The following CDK14 variants were observed in gnomAD, a reference collection of about 807,000 sequenced individuals.
CDK14 encodes cyclin-dependent kinase 14.
Under a neutral mutation model 60.7 loss-of-function variants are expected in CDK14, and 34 were observed. The ratio of observed to expected loss-of-function variants is 0.56; its 90% CI spans 0.43 to 0.75. The LOEUF (loss-of-function observed/expected upper bound fraction) is 0.75. Among genes scored for constraint, CDK14 ranks in the 30% least tolerant of loss-of-function variants. The pLI, the probability that CDK14 is intolerant of heterozygous loss-of-function variation, is 0.00. For missense variants in CDK14, 482 were observed against 564.1 expected (o/e 0.85, Z 1.47); for synonymous variants, 197 against 203.7 (o/e 0.97, Z 0.28).
At chr7:90,709,542 A>G (rs1801984661) in intron 2 of CDK14, 1 of 1,613,188 alleles carries the variant, frequency 6.2e-7, no homozygotes, top group Non-Finnish European at 8.5e-7. Flanking sequence ...TTGACAGCAT[A>G]TGCACGGTTA....
intron 2 of CDK14, among the ~76,000 whole-genome samples, chr7:90,688,876 C>T (rs550568456): frequency 6.6e-6 from 1 of 152,256 alleles, no homozygotes; most frequent in East Asian, 1.9e-4. Flanking sequence ...AATGAATTTT[C>T]AGAGTCCCTC....
At chr7:90,679,541 TC>T (rs879580036) in intron 2 of CDK14, among the ~76,000 whole-genome samples, 55 of 152,280 alleles carry the variant, frequency 3.6e-4, no homozygotes, top group Admixed American at 2.1e-3. Flanking sequence ...ATATATTCCT[TC>T]CAAGAACCTC....
At position 90,984,245 on chromosome 7, in the gene CDK14, A is replaced by T; in HGVS notation, c.1041+4A>T. On this transcript the variant is annotated splice_donor_region_variant and intron_variant, in intron 10 of 14. Transcript: ENST00000380050. ...TCAACTTGAACGAATATTTCTGGTAAGTCCTTTACAGAGTATTTCTAAGAA... is the reference window on the plus strand; with the variant it reads ...TCAACTTGAACGAATATTTCTGGTATGTCCTTTACAGAGTATTTCTAAGAA... 3 of 1,579,784 alleles carry T rather than the reference A, an allele frequency of 1.9e-6. No homozygotes were observed. The highest frequency in any genetic ancestry group is 2.6e-6 in the Non-Finnish European group (3 of 1,148,876).
intron 2 of CDK14, among the ~76,000 whole-genome samples, chr7:90,617,191 A>T (rs1348372541): frequency 1.3e-5 from 2 of 152,094 alleles, no homozygotes; most frequent in African/African-American, 4.8e-5. Flanking sequence ...AAACATCTGA[A>T]AAAAAGGAAA....
At chr7:90,672,633 C>T (rs1397544553) in intron 2 of CDK14, among the ~76,000 whole-genome samples, 1 of 150,398 alleles carries the variant, frequency 6.6e-6, no homozygotes, top group Non-Finnish European at 1.5e-5. Flanking sequence ...GATCTTCCTT[C>T]CTCACCGTCC....
chr7:90,988,972 C>T (rs1562858509), intron 10 of CDK14, among the ~76,000 whole-genome samples: 2 of 145,796 alleles, frequency 1.4e-5, no homozygotes, highest in Admixed American at 1.4e-4. Flanking sequence ...CAATATATGC[C>T]ATTCAGAATT....
rs1048655279 is a variant in CDK14, at chr7:91,144,447, G to A, written c.*28+26239G>A. On this transcript the variant is annotated intron_variant, in intron 14 of 14. Coordinates refer to ENST00000380050, the MANE Select transcript of CDK14 (RefSeq NM_001287135.2). Reference sequence around the variant, plus strand: ...TTATGGGCCATATTTGGATGGTATTGGCATTTCACAAATATTTCTTTCAGG... The same window carrying A: ...TTATGGGCCATATTTGGATGGTATTAGCATTTCACAAATATTTCTTTCAGG... 5.9e-5 allele frequency among the ~76,000 whole-genome samples: 9 copies of A among 152,222 alleles called. No homozygotes were observed. In the East Asian group the frequency reaches 1.7e-3, roughly 29 times the overall value.
intron 3 of CDK14, among the ~76,000 whole-genome samples, chr7:90,745,959 C>G (rs1478861056): frequency 6.6e-6 from 1 of 152,150 alleles, no homozygotes; most frequent in Non-Finnish European, 1.5e-5. Context: ...TGCTTTTTCT[C>G]TGGGTATTGG....
chr7:90,991,901 C>A (rs1210389010), intron 10 of CDK14, among the ~76,000 whole-genome samples: 1 of 152,104 alleles, frequency 6.6e-6, no homozygotes, highest in Non-Finnish European at 1.5e-5. Flanking sequence ...GAAACAGATC[C>A]CACTGCTGAA....
chr7:90,899,641 C>A (rs979262726), intron 7 of CDK14, among the ~76,000 whole-genome samples: 6 of 152,148 alleles, frequency 3.9e-5, no homozygotes, highest in Non-Finnish European at 8.8e-5. Flanking sequence ...CTTTTTAACA[C>A]TTCACAGTAG....
chr7:90,639,530 C>T (rs192807177), intron 2 of CDK14, among the ~76,000 whole-genome samples: 24 of 152,170 alleles, frequency 1.6e-4, no homozygotes, highest in Admixed American at 3.9e-4. Context: ...AGGTGTCAGT[C>T]TGTACCTACT....
At position 90,709,468 on chromosome 7, in the gene CDK14, T is replaced by C. The variant is rs1358920418; in HGVS notation, c.124-17099T>C. The C allele has an allele frequency of 2.5e-6, 4 of 1,583,452 alleles. No homozygotes were observed. The Admixed American group carries it at 7.1e-5, about 28-fold the overall frequency. ...GCTGTTTGGCTCCCATTCTGTATTC[T>C]TCTGAAGCAGCCCTGCATTGCAAAT... is the stretch of plus-strand genomic sequence containing the variant. On this transcript the variant is annotated intron_variant, in intron 2 of 14. Transcript: ENST00000380050.
At chr7:90,787,154 G>C (rs190655372) in intron 4 of CDK14, among the ~76,000 whole-genome samples, 20 of 152,240 alleles carry the variant, frequency 1.3e-4, no homozygotes, top group Admixed American at 1.2e-3. Context: ...TTAGGTTAAA[G>C]AGCAATTTGA....
At position 91,032,551 on chromosome 7, in the gene CDK14, A is replaced by G. The variant is rs1415500382; in HGVS notation, c.1042-13346A>G. On this transcript the variant is annotated intron_variant, in intron 10 of 14. Coordinates refer to ENST00000380050, the MANE Select transcript of CDK14 (RefSeq NM_001287135.2). The stretch of plus-strand genomic sequence containing the variant: ...GTTCTTATAAAAGAGAGGCAGAAGG[A>G]GATTTGACACAGAAGAGAAAGCAGT... Among the ~76,000 whole-genome samples, 3 of 152,202 alleles carry G rather than the reference A, an allele frequency of 2.0e-5. No homozygotes were observed. In the East Asian group the frequency reaches 5.8e-4, roughly 29 times the overall value.
intron 14 of CDK14, among the ~76,000 whole-genome samples, chr7:91,200,599 G>A (rs542672736): frequency 6.6e-6 from 1 of 152,086 alleles, no homozygotes; most frequent in South Asian, 2.1e-4. Context: ...AAACAGTTAC[G>A]CGCTTTAGTT....
chr7:90,848,771 A>G (rs1790550996), intron 5 of CDK14, among the ~76,000 whole-genome samples: 1 of 152,210 alleles, frequency 6.6e-6, no homozygotes, highest in South Asian at 2.1e-4. Context: ...TCTGTATTCA[A>G]AGTGATATGA....
At chr7:90,657,369 G>T (rs951098141) in intron 2 of CDK14, among the ~76,000 whole-genome samples, 1 of 152,074 alleles carries the variant, frequency 6.6e-6, no homozygotes, top group African/African-American at 2.4e-5. Context: ...TCTTTTCTTT[G>T]CCTTGACAGA....
chr7:90,714,405 C>T (rs1314379779), intron 2 of CDK14, among the ~76,000 whole-genome samples: 1 of 152,066 alleles, frequency 6.6e-6, no homozygotes, highest in Non-Finnish European at 1.5e-5. Flanking sequence ...TTGCATCTCT[C>T]AGGCAGGATT....
chr7:90,823,181 T>C (rs1056176178), intron 5 of CDK14, among the ~76,000 whole-genome samples: 2 of 152,224 alleles, frequency 1.3e-5, no homozygotes, highest in East Asian at 3.8e-4. Flanking sequence ...GATATTAGCA[T>C]ACATTAATCA....
Sources: gnomAD v4.1 joint callset for allele counts (sites outside exome capture counted in the v4.1 genomes callset) on GRCh38, gnomAD v4.1.1 for gene constraint, MANE v1.5 for transcripts, NCBI Gene and HGNC (gene_info 2026-07-23, HGNC 2026-07-21) for gene names.